Variants in PNPLA7 observed in about 807,000 individuals in gnomAD.
The protein encoded by PNPLA7 is patatin like domain 7, lysophospholipase.
PNPLA7 carries 153 observed loss-of-function variants against 161.7 expected under a neutral mutation model. That is an observed-to-expected ratio of 0.95 (90% confidence interval 0.83 to 1.08). The LOEUF is 1.08. Ranked by LOEUF, PNPLA7 falls within the 50% of genes least tolerant of loss-of-function variation. The probability of loss-of-function intolerance (pLI) is 0.00; values close to 1 mark genes in which losing one functional copy is unlikely to be tolerated. For missense variants in PNPLA7, 1,739 were observed against 1,856.6 expected, an observed-to-expected ratio of 0.94 and a Z score of 1.16; for synonymous variants, 809 against 782.1, an observed-to-expected ratio of 1.03 and a Z score of -0.57.
rs2132124616 is a variant in PNPLA7, at chr9:137,476,982, G to T, written c.2882+1052C>A. Among the ~76,000 whole-genome samples, 1 of 152,358 alleles carries T rather than the reference G, an allele frequency of 6.6e-6. No homozygotes were observed. The highest frequency in any genetic ancestry group is 1.9e-4 in the East Asian group (1 of 5,186). ...TGGGGCCAGCAGAAGCATCCTCGAGGCCCTGGGGCCACCTCCGAGCTTTTC... is the reference window on the plus strand; with the variant it reads ...TGGGGCCAGCAGAAGCATCCTCGAGTCCCTGGGGCCACCTCCGAGCTTTTC... On this transcript the variant is annotated intron_variant, in intron 25 of 34. Coordinates refer to ENST00000406427, the MANE Select transcript of PNPLA7 (RefSeq NM_001098537.3). The surrounding 1 kb of genome is among the most constrained non-coding windows in gnomAD (Gnocchi z 4.5).
At position 137,480,495 on chromosome 9, in the gene PNPLA7, G is replaced by A; in HGVS notation, c.2412-15C>T. The stretch of plus-strand genomic sequence containing the variant: ...ACTCGTGAACACTGCAGCACGCAGA[G>A]GGAGTACCTCACTACTCCGCAGGGG... On this transcript the variant is annotated splice_polypyrimidine_tract_variant and intron_variant, in intron 22 of 34. Coordinates refer to ENST00000406427, the MANE Select transcript of PNPLA7 (RefSeq NM_001098537.3). The A allele has an allele frequency of 6.3e-7, 1 of 1,596,232 alleles. No individual in the cohort carries two copies. Among genetic ancestry groups the A allele is most frequent in the Admixed American group, 1.7e-5 (1 of 57,910 alleles).
chr9:137,476,645 G>A lies in PNPLA7; in HGVS notation c.2882+1389C>T, dbSNP rs1244777181. ...GCTGGAAGGAAGGCAAAGGACTGCA[G>A]TTACGTGCCTTACAGAACCGTATGG... On this transcript the variant is annotated intron_variant, in intron 25 of 34. Transcript: ENST00000406427. This position sits in a 1 kb window ranked among gnomAD's most constrained non-coding sequence, Gnocchi z 4.5. Among the ~76,000 whole-genome samples, 1 of 152,182 alleles carries A rather than the reference G, an allele frequency of 6.6e-6. No individual in the cohort carries two copies. The highest frequency in any genetic ancestry group is 2.4e-5 in the African/African-American group (1 of 41,436).
At chr9:137,465,673 C>G (rs1891626) in intron 26 of PNPLA7, among the ~76,000 whole-genome samples, 1,811 of 152,288 alleles carry the variant, frequency 0.012, 38 homozygotes, top group African/African-American at 0.039. Flanking sequence ...GGACTCGCTG[C>G]TGGGGCTGGT....
chr9:137,477,907 G>T, intron 25 of PNPLA7, 127 bp downstream of exon 25: 1 of 755,022 alleles, frequency 1.3e-6, no homozygotes, highest in Non-Finnish European at 1.8e-6. Flanking sequence ...GGTCTGGACA[G>T]GCGGCCTGAG....
At chr9:137,512,605 C>T (rs375386780) in intron 12 of PNPLA7, among the ~76,000 whole-genome samples, 4 of 152,272 alleles carry the variant, frequency 2.6e-5, no homozygotes, top group South Asian at 2.1e-4. Flanking sequence ...CTGCAATGTG[C>T]GTCCTGCATG....
At chr9:137,464,302 A>C (rs535896798) in intron 27 of PNPLA7, 38 bp downstream of exon 27, 2 of 1,606,044 alleles carry the variant, frequency 1.2e-6, no homozygotes, top group South Asian at 1.1e-5. Flanking sequence ...GGGGACAGGC[A>C]CTGGGGGCTG....
rs1834954213 is a variant in PNPLA7 at position 137,520,936 on chromosome 9, C to T, written c.957+700G>A. On this transcript the variant is annotated intron_variant, in intron 10 of 34. Coordinates refer to ENST00000406427, the MANE Select transcript of PNPLA7 (RefSeq NM_001098537.3). This position sits in a 1 kb window ranked among gnomAD's most constrained non-coding sequence, Gnocchi z 5.2. ...ATGGGACGGGCATGGGGAGGGGCAG[C>T]CTCTGCTGGACGCGGACGTAGGGAC... Among the ~76,000 whole-genome samples, 1 of 152,102 alleles carries T rather than the reference C, an allele frequency of 6.6e-6. No homozygotes were observed. The highest frequency in any genetic ancestry group is 1.5e-5 in the Non-Finnish European group (1 of 68,018).
intron 32 of PNPLA7, 105 bp downstream of exon 32, chr9:137,461,826 G>A (rs1831213821): frequency 7.6e-7 from 1 of 1,317,626 alleles, no homozygotes; most frequent in East Asian, 2.5e-5. Flanking sequence ...GGCAGGGCCT[G>A]TGGCCTGAGG....
intron 23 of PNPLA7, 47 bp downstream of exon 23, chr9:137,480,265 C>T (rs763187672): frequency 6.3e-7 from 1 of 1,583,684 alleles, no homozygotes; most frequent in East Asian, 2.2e-5. Context: ...ACAGGAGGTT[C>T]TGAAGAGAGG....
chr9:137,523,160 T>A lies in PNPLA7; in HGVS notation c.748-303A>T, dbSNP rs1019803788. Among the ~76,000 whole-genome samples the A allele has an allele frequency of 1.3e-5, 2 of 152,156 alleles. No homozygotes were observed. Among genetic ancestry groups the A allele is most frequent in the African/African-American group, 4.8e-5 (2 of 41,424 alleles). On this transcript the variant is annotated intron_variant, in intron 8 of 34. Transcript: ENST00000406427. This position sits in a 1 kb window ranked among gnomAD's most constrained non-coding sequence, Gnocchi z 4.4. The stretch of plus-strand genomic sequence containing the variant: ...ATGGGGAGTTCCAACCACTCCCACC[T>A]GCCACTGAGGCTCACGGACCAGCTC...
chr9:137,546,253 C>T (rs1836520250), intron 4 of PNPLA7, among the ~76,000 whole-genome samples: 1 of 152,268 alleles, frequency 6.6e-6, no homozygotes, highest in Admixed American at 6.5e-5. Flanking sequence ...GTCAAGCAGA[C>T]ACGTGAACCA....
intron 20 of PNPLA7, chr9:137,491,443 C>T: frequency 6.1e-6 from 6 of 979,452 alleles, no homozygotes; most frequent in Non-Finnish European, 7.3e-6. Context: ...AACCGGACAC[C>T]TTCTACAAGA....
intron 14 of PNPLA7, among the ~76,000 whole-genome samples, chr9:137,502,396 A>G (rs1002758488): frequency 1.1e-4 from 16 of 151,540 alleles, no homozygotes; most frequent in Admixed American, 2.0e-4. Context: ...AACTTCCCAA[A>G]CCCTGACGGT....
rs145630661 is a variant in PNPLA7 at position 137,501,653 on chromosome 9, G to A, written c.1548C>T (p.Asp516=). ...CCCCCCCCAGACCCCCGCTCACCTG[G>A]TCTCCCTGCCTTGACACCACCGTGC... ...PAGTVVSRQG[D]QDASILFVVS... Residue 516 remains aspartate (D), a synonymous_variant, in exon 15 of 35, where the codon GAC becomes GAT. Coordinates refer to ENST00000406427, the MANE Select transcript of PNPLA7 (RefSeq NM_001098537.3). The A allele has an allele frequency of 1.2e-6, 2 of 1,612,064 alleles. No homozygotes were observed. Among genetic ancestry groups the A allele is most frequent in the Non-Finnish European group, 1.7e-6 (2 of 1,179,776 alleles).
chr9:137,522,860 G>A lies in PNPLA7; in HGVS notation c.748-3C>T, dbSNP rs1835100179. On this transcript the variant is annotated splice_region_variant and splice_polypyrimidine_tract_variant and intron_variant, in intron 8 of 34. Transcript: ENST00000406427. ...GTTTTGTAAGGTGCAGCATGGCCCT[G>A]TAACAACAGCTCCATCAGTCCCCAC... 1.2e-6 allele frequency: 2 copies of A among 1,613,154 alleles called. No individual in the cohort carries two copies. The highest frequency in any genetic ancestry group is 2.2e-5 in the East Asian group (1 of 44,870).
chr9:137,523,430 C>T lies in PNPLA7; in HGVS notation c.748-573G>A, dbSNP rs966528298. Among the ~76,000 whole-genome samples, 7 of 152,190 alleles carry T rather than the reference C, an allele frequency of 4.6e-5. No individual in the cohort carries two copies. The highest frequency in any genetic ancestry group is 1.9e-4 in the East Asian group (1 of 5,196). On this transcript the variant is annotated intron_variant, in intron 8 of 34. Coordinates refer to ENST00000406427, the MANE Select transcript of PNPLA7 (RefSeq NM_001098537.3). This position sits in a 1 kb window ranked among gnomAD's most constrained non-coding sequence, Gnocchi z 4.4. ...TGGATGTGGCCAGCAGAGCTCCACA[C>T]GGCCAAGGAAAGAGCCCAGGAAAAG...
chr9:137,480,097 G>C (rs891376028), intron 23 of PNPLA7, among the ~76,000 whole-genome samples: 1 of 152,280 alleles, frequency 6.6e-6, no homozygotes, highest in Non-Finnish European at 1.5e-5. Flanking sequence ...GGCTTCACAA[G>C]AGGCCACGTG....
At position 137,500,649 on chromosome 9, in the gene PNPLA7, G is replaced by A. The variant is rs773957091; in HGVS notation, c.1757+42C>T. ...CGCGGGGAGGGGTCTCAGGGCAGGG[G>A]GGGCTGGGGCCCGCCCTGAGGTCCT... On this transcript the variant is annotated intron_variant, in intron 16 of 34. Transcript: ENST00000406427. This position sits in a 1 kb window ranked among gnomAD's most constrained non-coding sequence, Gnocchi z 5.5. The A allele has an allele frequency of 1.5e-5, 23 of 1,584,954 alleles. No homozygotes were observed. Among genetic ancestry groups the A allele is most frequent in the Non-Finnish European group, 1.7e-5 (20 of 1,159,050 alleles).
chr9:137,508,260 G>A (rs1239828750), intron 12 of PNPLA7, among the ~76,000 whole-genome samples: 1 of 152,096 alleles, frequency 6.6e-6, no homozygotes, highest in Non-Finnish European at 1.5e-5. Context: ...GGATCAACTA[G>A]ATAGCCATTT....
Sources: gnomAD v4.1 joint callset for allele counts (sites outside exome capture counted in the v4.1 genomes callset) on GRCh38, gnomAD v4.1.1 for gene constraint, Gnocchi (gnomAD v3.1) non-coding constraint, MANE v1.5 for transcripts, NCBI Gene and HGNC (gene_info 2026-07-23, HGNC 2026-07-21) for gene names.